Variants in LTBP1 observed in about 807,000 individuals in gnomAD.
LTBP1 encodes the protein latent-transforming growth factor beta-binding protein 1.
A neutral mutation model predicts 207.6 loss-of-function variants in LTBP1; 129 were observed. That is an observed-to-expected ratio of 0.62 (90% CI 0.54 to 0.72). The LOEUF (loss-of-function observed/expected upper bound fraction) is 0.72. Ranked by LOEUF, LTBP1 falls within the 30% of genes least tolerant of loss-of-function variation. The probability of loss-of-function intolerance (pLI) is 0.00; values close to 1 mark genes in which losing one functional copy is unlikely to be tolerated. For synonymous variants in LTBP1, 963 were observed against 833.7 expected, an observed-to-expected ratio of 1.16 and a Z score of -2.67; for missense variants, 2,281 against 2,217.2, an observed-to-expected ratio of 1.03 and a Z score of -0.58.
intron 7 of LTBP1, among the ~76,000 whole-genome samples, chr2:33,191,112 T>A (rs927287589): frequency 6.6e-6 from 1 of 152,190 alleles, no homozygotes; most frequent in Non-Finnish European, 1.5e-5. Context: ...GCAGATCTTT[T>A]TAAAATTGTG....
chr2:33,146,232 C>T (rs1300848369), intron 5 of LTBP1, among the ~76,000 whole-genome samples: 1 of 152,208 alleles, frequency 6.6e-6, no homozygotes, highest in Non-Finnish European at 1.5e-5. Context: ...GATGCAGCAG[C>T]AACAGCCACT....
At position 32,966,504 on chromosome 2, in the gene LTBP1, G is replaced by A. The variant is rs369525512; in HGVS notation, c.565+17559G>A. On this transcript the variant is annotated intron_variant, in intron 2 of 33. Transcript: ENST00000404816. ...CTAGTTGCTCACCATTAAGTATGGT[G>A]TTAGCTGTATGTTTTTTATAGATGT... Among the ~76,000 whole-genome samples the A allele has an allele frequency of 9.2e-5, 14 of 152,280 alleles. No homozygotes were observed. In the East Asian group the frequency reaches 9.6e-4, roughly 10 times the overall value.
intron 2 of LTBP1, among the ~76,000 whole-genome samples, chr2:32,995,556 C>T (rs1468744519): frequency 6.6e-5 from 10 of 151,964 alleles, no homozygotes; most frequent in Non-Finnish European, 1.0e-4. Flanking sequence ...CCGAGGCAGG[C>T]GGATCACGAG....
At chr2:33,291,055 A>G (rs1352105521) in intron 19 of LTBP1, among the ~76,000 whole-genome samples, 1 of 152,194 alleles carries the variant, frequency 6.6e-6, no homozygotes, top group East Asian at 1.9e-4. Context: ...CATTAAGGCA[A>G]TGTACTTTCA....
intron 25 of LTBP1, among the ~76,000 whole-genome samples, chr2:33,343,440 C>A (rs1336876024): frequency 1.3e-5 from 2 of 150,732 alleles, no homozygotes; most frequent in Admixed American, 6.6e-5. Flanking sequence ...CCTATGGCTT[C>A]TGAAATTGTT....
chr2:33,111,917 C>G (rs2080431550), intron 4 of LTBP1, among the ~76,000 whole-genome samples: 1 of 152,154 alleles, frequency 6.6e-6, no homozygotes, highest in Admixed American at 6.5e-5. Flanking sequence ...ATAGATGCAT[C>G]TATTTGATTC....
intron 22 of LTBP1, among the ~76,000 whole-genome samples, chr2:33,307,367 C>T (rs959809713): frequency 6.6e-6 from 1 of 152,048 alleles, no homozygotes; most frequent in African/African-American, 2.4e-5. Context: ...TCACAATGGC[C>T]CAGATGGAAA....
chr2:33,280,511 A>G (rs900580465), intron 19 of LTBP1, among the ~76,000 whole-genome samples: 4 of 152,202 alleles, frequency 2.6e-5, no homozygotes, highest in Non-Finnish European at 4.4e-5. Flanking sequence ...AAGTAGAATT[A>G]GGTAACACAC....
At chr2:33,378,525 C>T (rs1292975621) in intron 31 of LTBP1, among the ~76,000 whole-genome samples, 2 of 152,162 alleles carry the variant, frequency 1.3e-5, no homozygotes, top group African/African-American at 4.8e-5. Context: ...AGTCACCACG[C>T]CCAGCATACT....
At chr2:33,046,808 C>G (rs887287733) in intron 3 of LTBP1, among the ~76,000 whole-genome samples, 1 of 152,032 alleles carries the variant, frequency 6.6e-6, no homozygotes, top group African/African-American at 2.4e-5. Context: ...TTGGTCTATT[C>G]AGGGATTTGA....
intron 2 of LTBP1, among the ~76,000 whole-genome samples, chr2:32,971,016 GTGTGT>G (rs2148579560): frequency 1.3e-5 from 2 of 150,616 alleles, no homozygotes; most frequent in African/African-American, 4.9e-5. Flanking sequence ...GTGTGTGTGT[GTGTGT>G]GTGTGTGTGT....
At chr2:33,113,505 G>C (rs80179591) in intron 4 of LTBP1, among the ~76,000 whole-genome samples, 4,920 of 152,320 alleles carry the variant, frequency 0.032, 152 homozygotes, top group African/African-American at 0.076. Flanking sequence ...CAAGTTGCTA[G>C]TGAGGTGCTT....
At chr2:33,121,424 G>A (rs1432868899) in intron 4 of LTBP1, among the ~76,000 whole-genome samples, 1 of 152,146 alleles carries the variant, frequency 6.6e-6, no homozygotes, top group Non-Finnish European at 1.5e-5. Context: ...TGAAAGGGCG[G>A]TGGTCGTTCC....
At chr2:33,008,102 A>G (rs781365228) in intron 2 of LTBP1, among the ~76,000 whole-genome samples, 20 of 152,198 alleles carry the variant, frequency 1.3e-4, no homozygotes, top group Non-Finnish European at 2.5e-4. Flanking sequence ...TTTCTGTTTT[A>G]TAAAGCTTAT....
At chr2:33,045,957 T>C (rs564366464) in intron 3 of LTBP1, among the ~76,000 whole-genome samples, 158 of 152,334 alleles carry the variant, frequency 1.0e-3, no homozygotes, top group Non-Finnish European at 1.9e-3. Context: ...TTTTTGCACA[T>C]CGAATTTGTT....
chr2:33,166,407 A>G (rs2084924522), intron 5 of LTBP1, among the ~76,000 whole-genome samples: 2 of 152,338 alleles, frequency 1.3e-5, no homozygotes, highest in Non-Finnish European at 2.9e-5. Flanking sequence ...GAGAATTGCC[A>G]GAAGGATTTA....
At chr2:33,179,467 C>G (rs932118972) in intron 5 of LTBP1, among the ~76,000 whole-genome samples, 1 of 151,112 alleles carries the variant, frequency 6.6e-6, no homozygotes, top group Non-Finnish European at 1.5e-5. Flanking sequence ...AAAAAAAAAC[C>G]AAAGAGATGC....
At chr2:33,076,722 A>G (rs372832464) in intron 3 of LTBP1, among the ~76,000 whole-genome samples, 1 of 152,010 alleles carries the variant, frequency 6.6e-6, no homozygotes, top group South Asian at 2.1e-4. Flanking sequence ...TTTTTAGTAG[A>G]GACAGGGTTT....
intron 5 of LTBP1, among the ~76,000 whole-genome samples, chr2:33,170,885 G>A (rs1348523687): frequency 2.0e-5 from 3 of 152,116 alleles, no homozygotes; most frequent in East Asian, 3.9e-4. Flanking sequence ...ACCGCTGCTG[G>A]TACCCAGGCA....
Sources: gnomAD v4.1 joint callset for allele counts (sites outside exome capture counted in the v4.1 genomes callset) on GRCh38, gnomAD v4.1.1 for gene constraint, MANE v1.5 for transcripts, NCBI Gene and HGNC (gene_info 2026-07-23, HGNC 2026-07-21) for gene names.